The following CSMD1 variants were observed in gnomAD, a reference collection of about 807,000 sequenced individuals.
The protein encoded by CSMD1 is CUB and Sushi multiple domains 1, also known as CUB and sushi domain-containing protein 1.
CSMD1 carries 213 observed loss-of-function variants against 417.5 expected under a neutral mutation model. That is an observed-to-expected ratio of 0.51 (90% CI 0.46 to 0.57). The LOEUF is 0.57. Ranked by LOEUF, CSMD1 falls within the 20% of genes least tolerant of loss-of-function variation. The probability of loss-of-function intolerance (pLI) is 0.00; values close to 1 mark genes in which losing one functional copy is unlikely to be tolerated. For missense variants in CSMD1, 6,923 were observed against 4,529.7 expected, an observed-to-expected ratio of 1.53 and a Z score of -15.17; for synonymous variants, 2,862 against 1,736.8, an observed-to-expected ratio of 1.65 and a Z score of -16.11.
At chr8:4,875,840 C>T (rs2116933759) in intron 1 of CSMD1, among the ~76,000 whole-genome samples, 1 of 152,040 alleles carries the variant, frequency 6.6e-6, no homozygotes, top group South Asian at 2.1e-4. Flanking sequence ...CACACACACA[C>T]ACAAACACTA....
At chr8:4,333,652 A>G (rs1165751034) in intron 3 of CSMD1, among the ~76,000 whole-genome samples, 1 of 152,150 alleles carries the variant, frequency 6.6e-6, no homozygotes, top group Non-Finnish European at 1.5e-5. Flanking sequence ...ACACACTGAG[A>G]ACACATCATT....
intron 5 of CSMD1, among the ~76,000 whole-genome samples, chr8:3,843,439 A>G (rs918483148): frequency 2.0e-5 from 3 of 152,220 alleles, no homozygotes; most frequent in Non-Finnish European, 4.4e-5. Context: ...GTAATTAAGA[A>G]TAACAGCCAG....
intron 1 of CSMD1, among the ~76,000 whole-genome samples, chr8:4,686,595 T>C (rs542675169): frequency 2.6e-5 from 4 of 152,366 alleles, no homozygotes; most frequent in African/African-American, 7.2e-5. Flanking sequence ...CTTCGTCCAG[T>C]CTCACGTCCC....
chr8:3,137,878 TTAAA>T (rs1818199552), intron 41 of CSMD1, among the ~76,000 whole-genome samples: 1 of 152,198 alleles, frequency 6.6e-6, no homozygotes, highest in African/African-American at 2.4e-5. Flanking sequence ...ATTCCTGATT[TTAAA>T]AAGTCCCAGG....
intron 12 of CSMD1, among the ~76,000 whole-genome samples, chr8:3,424,158 A>T (rs117646417): frequency 0.013 from 1,917 of 152,346 alleles, 48 homozygotes; most frequent in East Asian, 0.098. Context: ...GCATAATGAA[A>T]TATATCATGA....
At chr8:3,165,390 T>C (rs34578208) in intron 37 of CSMD1, among the ~76,000 whole-genome samples, 46,359 of 151,930 alleles carry the variant, frequency 0.31, 9,760 homozygotes, top group African/African-American at 0.6. Context: ...ATTCAAGTCA[T>C]CATGAGAACA....
intron 3 of CSMD1, among the ~76,000 whole-genome samples, chr8:4,050,319 G>T (rs7814265): frequency 0.038 from 5,774 of 152,196 alleles, 341 homozygotes; most frequent in African/African-American, 0.12. Context: ...GAATACGAAA[G>T]GAGGCTAGTT....
chr8:4,321,309 A>G (rs1366741110), intron 3 of CSMD1, among the ~76,000 whole-genome samples: 4 of 151,886 alleles, frequency 2.6e-5, no homozygotes, highest in Admixed American at 1.3e-4. Context: ...TCTCTTGCCT[A>G]TTGTTTCCTC....
intron 1 of CSMD1, among the ~76,000 whole-genome samples, chr8:4,886,336 TTTTTA>T (rs1466150674): frequency 6.6e-6 from 1 of 151,922 alleles, no homozygotes; most frequent in Non-Finnish European, 1.5e-5. Flanking sequence ...TATATATATT[TTTTTA>T]TTTTATGTAT....
At chr8:3,594,894 G>T (rs571463691) in intron 8 of CSMD1, among the ~76,000 whole-genome samples, 1 of 152,190 alleles carries the variant, frequency 6.6e-6, no homozygotes, top group South Asian at 2.1e-4. Flanking sequence ...AAATACCTTT[G>T]GAACTAATGT....
At chr8:4,808,131 A>G (rs1798694280) in intron 1 of CSMD1, among the ~76,000 whole-genome samples, 1 of 152,194 alleles carries the variant, frequency 6.6e-6, no homozygotes, top group African/African-American at 2.4e-5. Context: ...TACACAAAAG[A>G]GGAATCCACC....
intron 11 of CSMD1, among the ~76,000 whole-genome samples, chr8:3,492,445 C>G (rs10097026): frequency 0.017 from 2,657 of 152,292 alleles, 23 homozygotes; most frequent in Middle Eastern, 0.068. Context: ...TGAACACCTG[C>G]AGAACACTTT....
Position 3,166,877 on chromosome 8 carries a change from T to C in CSMD1, c.5726-4600A>G, listed in dbSNP as rs192442459. 8.5e-5 allele frequency among the ~76,000 whole-genome samples: 13 copies of C among 152,342 alleles called. No homozygotes were observed. In the East Asian group the frequency reaches 1.2e-3, roughly 14 times the overall value. On this transcript the variant is annotated intron_variant, in intron 37 of 69. Transcript: ENST00000635120. ...TCTGGGAAAAAGTAAGCTGTCTTAT[T>C]GTTTAGGAAAATTTTCAAGAGAAAT... is the stretch of plus-strand genomic sequence containing the variant.
At chr8:3,663,745 T>C (rs953937741) in intron 7 of CSMD1, among the ~76,000 whole-genome samples, 3 of 152,200 alleles carry the variant, frequency 2.0e-5, no homozygotes, top group Admixed American at 1.3e-4. Flanking sequence ...CCTGCCTTTC[T>C]GGACCGAACC....
At position 3,718,797 on chromosome 8, in the gene CSMD1, G is replaced by A. The variant is rs189055996; in HGVS notation, c.932-10306C>T. ...AAATCAGGGACCCCATTTAAATCACGTATTTCCCTGTGATTTAAGTTTTCA... is the reference window on the plus strand; with the variant it reads ...AAATCAGGGACCCCATTTAAATCACATATTTCCCTGTGATTTAAGTTTTCA... On this transcript the variant is annotated intron_variant, in intron 6 of 69. Coordinates refer to ENST00000635120, the MANE Select transcript of CSMD1 (RefSeq NM_033225.6). 7.2e-5 allele frequency among the ~76,000 whole-genome samples: 11 copies of A among 152,186 alleles called. No individual in the cohort carries two copies. In the East Asian group the frequency reaches 1.9e-3, roughly 27 times the overall value.
intron 3 of CSMD1, among the ~76,000 whole-genome samples, chr8:4,319,174 G>C (rs1799114965): frequency 6.6e-6 from 1 of 152,138 alleles, no homozygotes; most frequent in Non-Finnish European, 1.5e-5. Context: ...TAAACTGTTA[G>C]TCAATTTCCC....
intron 7 of CSMD1, among the ~76,000 whole-genome samples, chr8:3,703,115 T>G (rs1443076314): frequency 6.6e-6 from 1 of 152,230 alleles, no homozygotes; most frequent in Non-Finnish European, 1.5e-5. Flanking sequence ...TTTGGGTTTT[T>G]CTTCAAACAT....
At chr8:4,443,764 C>A (rs1258227086) in intron 2 of CSMD1, among the ~76,000 whole-genome samples, 2 of 152,168 alleles carry the variant, frequency 1.3e-5, no homozygotes, top group Admixed American at 6.5e-5. Context: ...ACTATAAACA[C>A]ATTCTATCTC....
At chr8:4,387,946 A>T (rs561545408) in intron 3 of CSMD1, among the ~76,000 whole-genome samples, 40 of 152,266 alleles carry the variant, frequency 2.6e-4, no homozygotes, top group Admixed American at 1.9e-3. Flanking sequence ...AAAGGATTTC[A>T]TGTCTGGTAA....
Sources: allele counts gnomAD v4.1 joint callset (sites outside exome capture counted in the v4.1 genomes callset), GRCh38; gene constraint gnomAD v4.1.1; transcripts MANE v1.5; gene names NCBI Gene and HGNC (gene_info 2026-07-23, HGNC 2026-07-21).